The following ZNF804B variants were observed in gnomAD, a reference collection of about 807,000 sequenced individuals.
The protein encoded by ZNF804B is zinc finger protein 804B, also known as zinc finger 804B.
A neutral mutation model predicts 101.4 loss-of-function variants in ZNF804B; 80 were observed. The observed-to-expected ratio is 0.79, with a 90% CI of 0.66 to 0.95. ZNF804B has a LOEUF of 0.95. Among genes scored for constraint, ZNF804B ranks in the 40% least tolerant of loss-of-function variants. The pLI is 0.00. For missense variants in ZNF804B, 1,673 were observed against 1,561.9 expected (o/e 1.07, Z -1.20); for synonymous variants, 622 against 558.8 (o/e 1.11, Z -1.59).
At chr7:89,306,994 A>C (rs1447378921) in intron 2 of ZNF804B, among the ~76,000 whole-genome samples, 1 of 151,970 alleles carries the variant, frequency 6.6e-6, no homozygotes, top group African/African-American at 2.4e-5. Context: ...ATTACCCTCT[A>C]AAAGGACTGC....
chr7:89,062,551 A>G (rs1243124772), intron 1 of ZNF804B, among the ~76,000 whole-genome samples: 1 of 152,088 alleles, frequency 6.6e-6, no homozygotes, highest in African/African-American at 2.4e-5. Context: ...AGCTCTTTGA[A>G]GGCAAGACTA....
At chr7:88,979,711 G>A (rs1035838758) in intron 1 of ZNF804B, among the ~76,000 whole-genome samples, 5 of 148,686 alleles carry the variant, frequency 3.4e-5, no homozygotes, top group African/African-American at 7.4e-5. Context: ...TATCTGCTTC[G>A]TGTTCTATAA....
At chr7:89,056,810 C>T (rs1179053971) in intron 1 of ZNF804B, among the ~76,000 whole-genome samples, 2 of 152,118 alleles carry the variant, frequency 1.3e-5, no homozygotes, top group African/African-American at 4.8e-5. Context: ...CTGATGCACA[C>T]AGCAAGTCAA....
intron 1 of ZNF804B, among the ~76,000 whole-genome samples, chr7:89,009,181 T>A (rs1740026512): frequency 6.6e-6 from 1 of 152,222 alleles, no homozygotes; most frequent in African/African-American, 2.4e-5. Flanking sequence ...TCACTTTTCT[T>A]CTTTTATCTA....
intron 1 of ZNF804B, among the ~76,000 whole-genome samples, chr7:89,057,156 A>G (rs1584099475): frequency 6.6e-6 from 1 of 152,136 alleles, no homozygotes; most frequent in Non-Finnish European, 1.5e-5. Flanking sequence ...GATCCTGTCT[A>G]TAGGAACAAT....
chr7:89,217,415 C>T (rs957671110), intron 1 of ZNF804B, among the ~76,000 whole-genome samples: 6 of 152,022 alleles, frequency 3.9e-5, no homozygotes, highest in South Asian at 2.1e-4. Flanking sequence ...ATAATGCAGA[C>T]TAAAATAGAA....
In ZNF804B at chr7:89,263,909, T is replaced by C. The variant is rs1481657591; in HGVS notation, c.249+45614T>C. Among the ~76,000 whole-genome samples the C allele has an allele frequency of 2.0e-5, 3 of 152,336 alleles. No homozygotes were observed. In the East Asian group the frequency reaches 5.8e-4, roughly 29 times the overall value. The stretch of plus-strand genomic sequence containing the variant: ...GCCGGGCTATGAAATAATAAATTTC[T>C]CTTGTTTCAATTAACCAAGTTTGTG... On this transcript the variant is annotated intron_variant, in intron 2 of 3. Transcript: ENST00000333190.
chr7:89,054,339 C>T (rs575397579), intron 1 of ZNF804B, among the ~76,000 whole-genome samples: 91 of 147,784 alleles, frequency 6.2e-4, no homozygotes, highest in Non-Finnish European at 1.2e-3. Flanking sequence ...TTATTTGAAA[C>T]CTTATATATT....
chr7:88,915,637 TAATAGACACTAAATTATTTTC>T (rs1268936278), intron 1 of ZNF804B, among the ~76,000 whole-genome samples: 1 of 152,086 alleles, frequency 6.6e-6, no homozygotes, highest in East Asian at 1.9e-4. Flanking sequence ...AAGTGTAGGT[TAATAGACACTAAATTATTTTC>T]AATAGACAGA....
rs376926229 is a variant in ZNF804B at position 89,103,194 on chromosome 7, CT to C, written c.109-114950del. 4.3e-3 allele frequency among the ~76,000 whole-genome samples: 551 copies of C among 128,236 alleles called. 3 individuals carry two copies. Among genetic ancestry groups the C allele is most frequent in the African/African-American group, 0.011 (370 of 35,072 alleles). The allele number at this position is 128,236 out of a possible 152,430, so 84.1% of individuals were successfully genotyped here. On this transcript the variant is annotated intron_variant, in intron 1 of 3. Transcript: ENST00000333190. ...CTTAGGAATGCTTTGGTTATTCAGG[CT>C]TTTTTTTTTTCCTGGTTCTTTTTTT...
At chr7:88,898,378 G>A (rs1233584605) in intron 1 of ZNF804B, among the ~76,000 whole-genome samples, 3 of 151,850 alleles carry the variant, frequency 2.0e-5, no homozygotes, top group East Asian at 1.9e-4. Flanking sequence ...GAGCCACAGC[G>A]CCCGGCCAGT....
chr7:88,979,887 G>A (rs796281382), intron 1 of ZNF804B, among the ~76,000 whole-genome samples: 14 of 150,878 alleles, frequency 9.3e-5, no homozygotes, highest in African/African-American at 3.2e-4. Context: ...GATTTTGTAG[G>A]TGTGCTTCAT....
chr7:89,015,811 C>A (rs1788543502), intron 1 of ZNF804B, among the ~76,000 whole-genome samples: 1 of 152,160 alleles, frequency 6.6e-6, no homozygotes, highest in Non-Finnish European at 1.5e-5. Context: ...GTGCATGTGT[C>A]TTCATAGCAG....
chr7:89,138,921 CTT>C (rs1033302985), intron 1 of ZNF804B, among the ~76,000 whole-genome samples: 35 of 152,082 alleles, frequency 2.3e-4, no homozygotes, highest in African/African-American at 7.7e-4. Context: ...AATTAAATGT[CTT>C]TCTCTTGTAA....
At chr7:89,316,245 T>C (rs780857336) in intron 2 of ZNF804B, among the ~76,000 whole-genome samples, 18 of 152,116 alleles carry the variant, frequency 1.2e-4, no homozygotes, top group Non-Finnish European at 1.9e-4. Flanking sequence ...GGAAGCATAC[T>C]TGAACCCTAA....
At chr7:89,282,776 A>G (rs546122294) in intron 2 of ZNF804B, among the ~76,000 whole-genome samples, 1 of 152,274 alleles carries the variant, frequency 6.6e-6, no homozygotes, top group African/African-American at 2.4e-5. Flanking sequence ...ATGGAGGCAG[A>G]CACTGGAGTG....
intron 1 of ZNF804B, among the ~76,000 whole-genome samples, chr7:89,103,213 C>CT (rs906297572): frequency 6.3e-5 from 9 of 142,750 alleles, no homozygotes; most frequent in Non-Finnish European, 1.1e-4. Flanking sequence ...TTTCCTGGTT[C>CT]TTTTTTTTCT....
intron 2 of ZNF804B, among the ~76,000 whole-genome samples, chr7:89,225,900 A>C (rs1031176343): frequency 6.6e-6 from 1 of 152,156 alleles, no homozygotes; most frequent in African/African-American, 2.4e-5. Context: ...ATGTTGGTAC[A>C]CAAGAAGGAG....
chr7:89,098,580 CT>C (rs1219457357), intron 1 of ZNF804B, among the ~76,000 whole-genome samples: 1 of 151,908 alleles, frequency 6.6e-6, no homozygotes. Context: ...CCCATAACAA[CT>C]TTTTTTAATG....
Sources: gnomAD v4.1 joint callset for allele counts (sites outside exome capture counted in the v4.1 genomes callset) on GRCh38, gnomAD v4.1.1 for gene constraint, MANE v1.5 for transcripts, NCBI Gene and HGNC (gene_info 2026-07-23, HGNC 2026-07-21) for gene names.